Variants in CSMD3 observed in about 807,000 individuals in gnomAD.
CSMD3 encodes CUB and Sushi multiple domains 3, also known as CUB and sushi domain-containing protein 3.
Under a neutral mutation model 435.2 loss-of-function variants are expected in CSMD3, and 177 were observed. That is an observed-to-expected ratio of 0.41 (90% confidence interval 0.36 to 0.46). The LOEUF is 0.46. Among genes scored for constraint, CSMD3 ranks in the 20% least tolerant of loss-of-function variants. The pLI is 0.34. For synonymous variants in CSMD3, 1,656 were observed against 1,520.5 expected (o/e 1.09, Z -2.07); for missense variants, 4,265 against 4,504.6 (o/e 0.95, Z 1.52).
chr8:112,378,567 A>G (rs1009917611), intron 38 of CSMD3, among the ~76,000 whole-genome samples: 1 of 152,170 alleles, frequency 6.6e-6, no homozygotes, highest in Non-Finnish European at 1.5e-5. Flanking sequence ...AGGCATAGAA[A>G]AGGGATATTG....
chr8:113,354,685 G>T (rs1402887342), intron 1 of CSMD3, among the ~76,000 whole-genome samples: 2 of 152,114 alleles, frequency 1.3e-5, no homozygotes, highest in South Asian at 2.1e-4. Context: ...TGTTGCCCAG[G>T]CTGGAGTGTA....
At position 112,352,417 on chromosome 8, in the gene CSMD3, T is replaced by C; in HGVS notation, c.6254A>G (p.Gln2085Arg). 1.2e-6 allele frequency: 2 copies of C among 1,613,302 alleles called. No homozygotes were observed. The highest frequency in any genetic ancestry group is 1.7e-4 in the Middle Eastern group (1 of 6,050). Residue 2085 changes from glutamine to arginine, a missense_variant and splice_region_variant, in exon 39 of 71, where the codon CAG (glutamine) becomes CGG (arginine). Gln to Arg is a conservative substitution (Grantham distance 43). Around this residue, in one of 3 missense-constraint regions of CSMD3, gnomAD observed 3,255 missense variants for 3,380.2 expected, o/e 0.96. Coordinates refer to ENST00000297405, the MANE Select transcript of CSMD3 (RefSeq NM_198123.2). ...SFQCDQGYSL[Q>R]GHSHITCMPG... ...ACCACAACTTTAAAATAGACTTACC[T>C]GAAGAGAATATCCTTGATCACACTG...
intron 23 of CSMD3, among the ~76,000 whole-genome samples, chr8:112,575,247 A>G (rs1267800758): frequency 6.6e-6 from 1 of 152,038 alleles, no homozygotes; most frequent in African/African-American, 2.4e-5. Context: ...CAGAAATTCT[A>G]AGTCTCCACT....
At chr8:112,745,502 T>C (rs147456868) in intron 13 of CSMD3, among the ~76,000 whole-genome samples, 291 of 152,200 alleles carry the variant, frequency 1.9e-3, no homozygotes, top group African/African-American at 6.2e-3. Flanking sequence ...ATGCTTTCTG[T>C]AAAATTATTA....
chr8:113,034,658 A>C (rs577516174), intron 5 of CSMD3, among the ~76,000 whole-genome samples: 173 of 152,244 alleles, frequency 1.1e-3, no homozygotes, highest in African/African-American at 4.0e-3. Context: ...TTTGACTTAC[A>C]CTATAAATGG....
intron 12 of CSMD3, among the ~76,000 whole-genome samples, chr8:112,820,346 T>C (rs1222077686): frequency 2.0e-5 from 3 of 152,300 alleles, no homozygotes; most frequent in South Asian, 4.1e-4. Context: ...AAGAGGTCAA[T>C]TGTTAATCAA....
chr8:113,393,100 C>T (rs186187738), intron 1 of CSMD3, among the ~76,000 whole-genome samples: 2 of 151,968 alleles, frequency 1.3e-5, no homozygotes, highest in East Asian at 3.9e-4. Context: ...ATATAATGCT[C>T]ACATAAGCAT....
At chr8:112,903,198 G>A (rs2082157404) in intron 10 of CSMD3, among the ~76,000 whole-genome samples, 1 of 147,466 alleles carries the variant, frequency 6.8e-6, no homozygotes. Context: ...TGGCCTAGGA[G>A]ATTCAAATTT....
intron 38 of CSMD3, among the ~76,000 whole-genome samples, chr8:112,362,674 A>C (rs1170094252): frequency 1.5e-5 from 2 of 136,604 alleles, no homozygotes; most frequent in African/African-American, 5.1e-5. Context: ...ACAGGAGAGG[A>C]GTTTGATTTG....
rs1257657376 is a variant in CSMD3, at chr8:112,538,336, T to A, written c.4564+12335A>T. On this transcript the variant is annotated intron_variant, in intron 27 of 70. Transcript: ENST00000297405. ...TTATAACTTTTATTCATCATAGTAC[T>A]AAAAGTCCTGCCCAGATCAATTAAA... 2.0e-5 allele frequency among the ~76,000 whole-genome samples: 3 copies of A among 152,018 alleles called. 1 individual carries two copies. Among genetic ancestry groups the A allele is most frequent in the Admixed American group, 2.0e-4 (3 of 15,212 alleles).
At chr8:113,217,014 T>C (rs1163269883) in intron 3 of CSMD3, among the ~76,000 whole-genome samples, 1 of 151,844 alleles carries the variant, frequency 6.6e-6, no homozygotes, top group Non-Finnish European at 1.5e-5. Flanking sequence ...ATGCAATTGT[T>C]GGAGTTCAAA....
intron 10 of CSMD3, among the ~76,000 whole-genome samples, chr8:112,896,461 C>T (rs914485216): frequency 6.6e-6 from 1 of 151,420 alleles, no homozygotes; most frequent in Non-Finnish European, 1.5e-5. Context: ...GTTACATAGC[C>T]ATAGATAATT....
In CSMD3 at chr8:112,425,130, A is replaced by G. The variant is rs117272633; in HGVS notation, c.5396-16098T>C. ...TGATGCTGGAACCCAACTAGTAATAACCATTAATCAAAAAGCCTCATGTAA... is the reference window on the plus strand; with the variant it reads ...TGATGCTGGAACCCAACTAGTAATAGCCATTAATCAAAAAGCCTCATGTAA... On this transcript the variant is annotated intron_variant, in intron 32 of 70. Transcript: ENST00000297405. 4.0e-3 allele frequency among the ~76,000 whole-genome samples: 617 copies of G among 152,360 alleles called. 3 individuals are homozygous for G. The highest frequency in any genetic ancestry group is 0.015 in the South Asian group (73 of 4,832).
At chr8:113,091,095 G>A (rs2089987117) in intron 5 of CSMD3, among the ~76,000 whole-genome samples, 1 of 151,772 alleles carries the variant, frequency 6.6e-6, no homozygotes, top group African/African-American at 2.4e-5. Context: ...TCTTGGCTAG[G>A]ACTAAGTAAT....
At chr8:112,890,439 C>A (rs997168337) in intron 10 of CSMD3, among the ~76,000 whole-genome samples, 1 of 151,612 alleles carries the variant, frequency 6.6e-6, no homozygotes, top group African/African-American at 2.4e-5. Flanking sequence ...ATGCCAGAAA[C>A]AATGCCAAGT....
At chr8:112,868,411 G>A (rs1387946039) in intron 10 of CSMD3, among the ~76,000 whole-genome samples, 1 of 152,086 alleles carries the variant, frequency 6.6e-6, no homozygotes, top group Non-Finnish European at 1.5e-5. Flanking sequence ...ATAAAATATT[G>A]TGTAGTGTAC....
chr8:112,955,769 C>A (rs2083993388), intron 7 of CSMD3, among the ~76,000 whole-genome samples: 1 of 151,614 alleles, frequency 6.6e-6, no homozygotes, highest in Non-Finnish European at 1.5e-5. Flanking sequence ...TACTTTTTAT[C>A]AGGTTTATAG....
chr8:112,638,060 T>C (rs1243047038), intron 21 of CSMD3, among the ~76,000 whole-genome samples: 1 of 151,500 alleles, frequency 6.6e-6, no homozygotes, highest in Admixed American at 6.6e-5. Flanking sequence ...TCTCATACAA[T>C]TTTTTCCCCC....
intron 38 of CSMD3, among the ~76,000 whole-genome samples, chr8:112,368,872 T>TA (rs1264299641): frequency 6.6e-6 from 1 of 152,080 alleles, no homozygotes; most frequent in African/African-American, 2.4e-5. Flanking sequence ...CACAGTAATT[T>TA]AAAAAAATAA....
Sources: gnomAD v4.1 joint callset for allele counts (sites outside exome capture counted in the v4.1 genomes callset) on GRCh38, gnomAD v4.1.1 for gene constraint, gnomAD v4.1.1 regional missense constraint, MANE v1.5 for transcripts, NCBI Gene and HGNC (gene_info 2026-07-23, HGNC 2026-07-21) for gene names.